USP34: variants seen among roughly 807,000 people sequenced by gnomAD.
The protein encoded by USP34 is ubiquitin carboxyl-terminal hydrolase 34.
Under a neutral mutation model 460.3 loss-of-function variants are expected in USP34, and 70 were observed. The observed-to-expected ratio is 0.15, with a 90% CI of 0.13 to 0.19. The LOEUF (loss-of-function observed/expected upper bound fraction) is 0.19. USP34 is among the 10% of genes least tolerant of loss of function. The probability of loss-of-function intolerance (pLI) is 1.00; values close to 1 mark genes in which losing one functional copy is unlikely to be tolerated. For missense variants in USP34, 3,985 were observed against 4,236.2 expected, an observed-to-expected ratio of 0.94 and a Z score of 1.65; for synonymous variants, 1,647 against 1,405.3, an observed-to-expected ratio of 1.17 and a Z score of -3.85.
chr2:61,450,002 C>G (rs2694636), intron 1 of USP34, among the ~76,000 whole-genome samples: 102,102 of 151,990 alleles, frequency 0.67, 34,722 homozygotes, highest in African/African-American at 0.79. Context: ...GGAGGCAGAG[C>G]CTGCAGTGAA....
intron 5 of USP34, among the ~76,000 whole-genome samples, chr2:61,389,286 C>A (rs1693269160): frequency 1.3e-5 from 2 of 152,120 alleles, no homozygotes; most frequent in South Asian, 4.1e-4. Context: ...CGAATATTTG[C>A]TTTGATAAAT....
intron 3 of USP34, among the ~76,000 whole-genome samples, chr2:61,399,163 A>C (rs1693633705): frequency 6.6e-6 from 1 of 151,898 alleles, no homozygotes. Context: ...GACCAGCCTA[A>C]CATGGTCTCT....
At chr2:61,425,033 T>C (rs1423726376) in intron 1 of USP34, among the ~76,000 whole-genome samples, 1 of 152,126 alleles carries the variant, frequency 6.6e-6, no homozygotes, top group African/African-American at 2.4e-5. Flanking sequence ...TTGGCCAGGC[T>C]GGTCTCAAAC....
At chr2:61,424,704 C>T (rs1174043290) in intron 1 of USP34, among the ~76,000 whole-genome samples, 1 of 151,972 alleles carries the variant, frequency 6.6e-6, no homozygotes, top group Non-Finnish European at 1.5e-5. Flanking sequence ...GGCGAGACCC[C>T]CTCTCTATTT....
Position 61,269,178 on chromosome 2 carries a change from T to C in USP34, c.5434-3011A>G, listed in dbSNP as rs148473598. Reference sequence around the variant, plus strand: ...CTAAGTAAAATTTCAGAAAGGAGAGTTTGGAGACGATCTCACTCTATCACC... The same window carrying C: ...CTAAGTAAAATTTCAGAAAGGAGAGCTTGGAGACGATCTCACTCTATCACC... On this transcript the variant is annotated intron_variant, in intron 41 of 79. Coordinates refer to ENST00000398571, the MANE Select transcript of USP34 (RefSeq NM_014709.4). Among the ~76,000 whole-genome samples the C allele has an allele frequency of 2.2e-3, 333 of 151,704 alleles. 1 individual carries two copies. The highest frequency in any genetic ancestry group is 7.6e-3 in the African/African-American group (313 of 41,348).
At chr2:61,420,451 A>C (rs1694323330) in intron 2 of USP34, among the ~76,000 whole-genome samples, 1 of 152,216 alleles carries the variant, frequency 6.6e-6, no homozygotes. Flanking sequence ...ACAAGCCTTT[A>C]GCTATACCAT....
intron 2 of USP34, among the ~76,000 whole-genome samples, chr2:61,418,104 G>A (rs1319981032): frequency 1.4e-5 from 2 of 144,186 alleles, no homozygotes; most frequent in Middle Eastern, 3.7e-3. Context: ...TTTTTAAGAT[G>A]GAGTCTCACT....
chr2:61,196,413 C>T (rs1362403255), intron 75 of USP34, among the ~76,000 whole-genome samples: 5 of 151,804 alleles, frequency 3.3e-5, no homozygotes, highest in Admixed American at 6.6e-5. Context: ...TTTGTAGAGA[C>T]GAGATTTCAC....
chr2:61,296,737 C>G, intron 30 of USP34, 63 bp downstream of exon 30: 2 of 1,529,022 alleles, frequency 1.3e-6, no homozygotes, highest in Non-Finnish European at 1.8e-6. Flanking sequence ...ATCTTCTACA[C>G]TGTCAATAGG....
intron 20 of USP34, among the ~76,000 whole-genome samples, chr2:61,328,913 T>G (rs543689509): frequency 6.6e-6 from 1 of 152,382 alleles, no homozygotes; most frequent in African/African-American, 2.4e-5. Context: ...GGAGCTCTTT[T>G]ATAACCTAGT....
At position 61,394,867 on chromosome 2, in the gene USP34, T is replaced by A; in HGVS notation, c.739A>T (p.Thr247Ser). ...ACAATACTTACATTAGACACAACTG[T>A]AATAAACGCATGTGCTATAAGAAAT... The part of the protein sequence containing the change: ...LPFLIAHAFI[T>S]VVSNIRIWLH... Residue 247 changes from threonine to serine, a missense_variant, in exon 5 of 80, where the codon ACA becomes TCA. Thr to Ser is a moderately conservative substitution (Grantham distance 58). Coordinates refer to ENST00000398571, the MANE Select transcript of USP34 (RefSeq NM_014709.4). 1 of 1,585,798 alleles carries A rather than the reference T, an allele frequency of 6.3e-7. No homozygotes were observed. The highest frequency in any genetic ancestry group is 1.2e-5 in the South Asian group (1 of 84,650).
chr2:61,377,416 T>C (rs1692830037), intron 8 of USP34, among the ~76,000 whole-genome samples: 2 of 152,128 alleles, frequency 1.3e-5, no homozygotes, highest in Admixed American at 6.6e-5. Flanking sequence ...GGAATACATA[T>C]ATTTCTCAGA....
At chr2:61,312,842 A>T (rs1690636143) in intron 25 of USP34, among the ~76,000 whole-genome samples, 1 of 152,230 alleles carries the variant, frequency 6.6e-6, no homozygotes, top group Admixed American at 6.5e-5. Flanking sequence ...GTCTCCAGGG[A>T]TTACGTACTA....
chr2:61,189,260 TTTTTTTTTTTTG>T (rs1482389979), intron 78 of USP34, 191 bp from the exon 79 acceptor site: 1 of 46,016 alleles, frequency 2.2e-5, no homozygotes, highest in Admixed American at 4.3e-4. Flanking sequence ...TCATTAGTTG[TTTTTTTTTTTTG>T]TTTTGTTTTT....
At chr2:61,323,096 C>T (rs1292745777) in intron 21 of USP34, among the ~76,000 whole-genome samples, 1 of 152,134 alleles carries the variant, frequency 6.6e-6, no homozygotes, top group Non-Finnish European at 1.5e-5. Context: ...GAAGTACAAC[C>T]AGCCATGCAC....
At chr2:61,386,657 G>GC (rs201274386) in intron 5 of USP34, among the ~76,000 whole-genome samples, 2,443 of 152,176 alleles carry the variant, frequency 0.016, 25 homozygotes, top group Non-Finnish European at 0.022. Flanking sequence ...GGGCGTGGTG[G>GC]CAAGTGCCTG....
At chr2:61,365,567 A>C (rs1692411768) in intron 10 of USP34, among the ~76,000 whole-genome samples, 1 of 152,168 alleles carries the variant, frequency 6.6e-6, no homozygotes, top group South Asian at 2.1e-4. Flanking sequence ...TCAGGAAAAA[A>C]AACCTACTCT....
At chr2:61,252,893 G>GACAAA (rs1291812590) in intron 48 of USP34, among the ~76,000 whole-genome samples, 2 of 152,090 alleles carry the variant, frequency 1.3e-5, no homozygotes, top group East Asian at 1.9e-4. Flanking sequence ...AAACTAAGAT[G>GACAAA]ACAAAACAAA....
intron 58 of USP34, among the ~76,000 whole-genome samples, chr2:61,230,504 A>T (rs1572853928): frequency 1.3e-5 from 2 of 152,038 alleles, no homozygotes; most frequent in African/African-American, 4.8e-5. Flanking sequence ...AGCCTGGTTG[A>T]CAGAGTGAGA....
Sources: gnomAD v4.1 joint callset for allele counts (sites outside exome capture counted in the v4.1 genomes callset) on GRCh38, gnomAD v4.1.1 for gene constraint, MANE v1.5 for transcripts, NCBI Gene and HGNC (gene_info 2026-07-23, HGNC 2026-07-21) for gene names.